The following SLC15A2 variants were observed in gnomAD, a reference collection of about 807,000 sequenced individuals.
SLC15A2 encodes solute carrier family 15 member 2, also known as kidney H(+)/peptide cotransporter.
A neutral mutation model predicts 95.5 loss-of-function variants in SLC15A2; 77 were observed. The observed-to-expected ratio is 0.81, with a 90% confidence interval of 0.67 to 0.97. SLC15A2 has a LOEUF of 0.97. SLC15A2 is among the 50% of genes least tolerant of loss of function. The pLI is 0.00. For synonymous variants in SLC15A2, 306 were observed against 306.9 expected (o/e 1.00, Z 0.03); for missense variants, 893 against 874.4 (o/e 1.02, Z -0.27).
At chr3:121,919,101 T>G (rs745940966) in intron 7 of SLC15A2, among the ~76,000 whole-genome samples, 29 of 152,164 alleles carry the variant, frequency 1.9e-4, no homozygotes, top group Non-Finnish European at 3.4e-4. Context: ...GTGTTATAGC[T>G]CCTGCTCAGG....
At position 121,928,426 on chromosome 3, in the gene SLC15A2, G is replaced by A. The variant is rs1410643268; in HGVS notation, c.1212G>A (p.Met404Ile). The change falls in exon 15 of 22, where the codon ATG becomes ATA. Residue 404 changes from methionine to isoleucine, a missense_variant. Physicochemically the swap from Met to Ile is conservative, Grantham distance 10 (BLOSUM62 1). Coordinates refer to ENST00000489711, the MANE Select transcript of SLC15A2 (RefSeq NM_021082.4). ...AAAVEIKINE[M>I]APAQPGPQEV... ...CATGTGTTCTTTGCTCTAAGGAAAT[G>A]GCCCCAGCCCAGCCAGGTCCCCAGG... 4.3e-6 allele frequency: 7 copies of A among 1,613,424 alleles called. No homozygotes were observed. The highest frequency in any genetic ancestry group is 5.9e-6 in the Non-Finnish European group (7 of 1,179,666).
At position 121,894,490 on chromosome 3, in the gene SLC15A2, A is replaced by G; in HGVS notation, c.14A>G (p.Gln5Arg). ...AAGGAGCCAGCCATGAATCCTTTCC[A>G]GAAAAATGAGTCCAAGGAAACTCTT... MNPF[Q>R]KNESKETLFS... Residue 5 changes from glutamine (Q) to arginine (R), a missense_variant, in exon 1 of 22, where the codon CAG (glutamine) becomes CGG (arginine). By Grantham distance (43) the Gln-to-Arg change is conservative. Coordinates refer to ENST00000489711, the MANE Select transcript of SLC15A2 (RefSeq NM_021082.4). 2 of 1,613,248 alleles carry G rather than the reference A, an allele frequency of 1.2e-6. No individual in the cohort carries two copies. The highest frequency in any genetic ancestry group is 1.7e-6 in the Non-Finnish European group (2 of 1,179,526).
intron 13 of SLC15A2, among the ~76,000 whole-genome samples, chr3:121,925,781 TA>T (rs200367167): frequency 9.4e-4 from 37 of 39,358 alleles, no homozygotes; most frequent in East Asian, 1.3e-3. Context: ...TATATATATA[TA>T]AAATACAACT....
At chr3:121,904,890 T>TGA (rs1274010798) in intron 3 of SLC15A2, among the ~76,000 whole-genome samples, 1 of 152,218 alleles carries the variant, frequency 6.6e-6, no homozygotes, top group Non-Finnish European at 1.5e-5. Flanking sequence ...GATTCTCTCT[T>TGA]TTTCTATTGA....
At chr3:121,897,865 C>A (rs1214536662) in intron 3 of SLC15A2, among the ~76,000 whole-genome samples, 1 of 152,144 alleles carries the variant, frequency 6.6e-6, no homozygotes, top group East Asian at 1.9e-4. Context: ...TATCCACCAG[C>A]AAATTTCTAA....
chr3:121,938,273 T>G (rs920663280), intron 19 of SLC15A2, among the ~76,000 whole-genome samples: 5 of 152,250 alleles, frequency 3.3e-5, no homozygotes, highest in Non-Finnish European at 5.9e-5. Flanking sequence ...CAGGCCGCCT[T>G]GAGCTGTGGT....
At chr3:121,934,133 G>C (rs1165174696) in intron 19 of SLC15A2, among the ~76,000 whole-genome samples, 1 of 152,080 alleles carries the variant, frequency 6.6e-6, no homozygotes, top group East Asian at 1.9e-4. Context: ...TCTCTGTTTT[G>C]GTACCAGTAA....
At chr3:121,920,991 A>G (rs1709994499) in intron 7 of SLC15A2, among the ~76,000 whole-genome samples, 1 of 152,220 alleles carries the variant, frequency 6.6e-6, no homozygotes, top group African/African-American at 2.4e-5. Context: ...ATTGAATGAA[A>G]TTGAAAAAAC....
rs570012617 is a variant in SLC15A2, at chr3:121,939,277, G to A, written c.1762-72G>A. The A allele has an allele frequency of 3.6e-5, 43 of 1,193,802 alleles. No homozygotes were observed. The South Asian group carries it at 6.3e-4, about 18-fold the overall frequency. The allele number at this position is 1,193,802 out of a possible 1,614,324, so 74.0% of individuals were successfully genotyped here. On this transcript the variant is annotated intron_variant, in intron 19 of 21. Transcript: ENST00000489711. ...ATACAAAAAGGATGGATATAAGATC[G>A]TAGAATGCTGTAGTTAGAAATATTT... is the stretch of plus-strand genomic sequence containing the variant.
At position 121,931,359 on chromosome 3, in the gene SLC15A2, A is replaced by G. The variant is rs79865425; in HGVS notation, c.1665-280A>G. Among the ~76,000 whole-genome samples, 18 of 152,344 alleles carry G rather than the reference A, an allele frequency of 1.2e-4. No homozygotes were observed. The East Asian group carries it at 3.5e-3, about 29-fold the overall frequency. On this transcript the variant is annotated intron_variant, in intron 18 of 21. Transcript: ENST00000489711. ...AAGTCATAAGATTTGCATGAGGAAAATTCACATGGTACTTAAGTTAACAAA... is the reference window on the plus strand; with the variant it reads ...AAGTCATAAGATTTGCATGAGGAAAGTTCACATGGTACTTAAGTTAACAAA...
At chr3:121,922,132 C>A in intron 7 of SLC15A2, 88 bp from the exon 8 acceptor site, 1 of 1,017,268 alleles carries the variant, frequency 9.8e-7, no homozygotes, top group Non-Finnish European at 1.5e-6. Context: ...GTGGTTTTTG[C>A]CATTGAAAGT....
Position 121,927,833 on chromosome 3 carries a change from A to C in SLC15A2, c.1200A>C (p.Lys400Asn). Residue 400 changes from lysine (K) to asparagine (N), a missense_variant, in exon 14 of 22, where the codon AAA (lysine) becomes AAC (asparagine). Lys to Asn is a moderately conservative substitution (Grantham distance 94, BLOSUM62 0). Coordinates refer to ENST00000489711, the MANE Select transcript of SLC15A2 (RefSeq NM_021082.4). ...CAGTTGCGGCAGCTGTAGAGATAAA[A>C]ATAAATGTGAGTTCAGTAATTCTTA... ...AFAVAAAVEIKINEMAPAQPG... is the reference protein window; with the variant it reads ...AFAVAAAVEININEMAPAQPG... The C allele has an allele frequency of 6.2e-7, 1 of 1,611,510 alleles. No individual in the cohort carries two copies. The highest frequency in any genetic ancestry group is 2.2e-5 in the East Asian group (1 of 44,868).
At chr3:121,910,574 G>A (rs960479529) in intron 3 of SLC15A2, among the ~76,000 whole-genome samples, 8 of 152,126 alleles carry the variant, frequency 5.3e-5, no homozygotes, top group Admixed American at 2.6e-4. Flanking sequence ...TAGGCACTTA[G>A]AATGAGAAAT....
chr3:121,934,976 G>A lies in SLC15A2; in HGVS notation c.1761+3241G>A, dbSNP rs1279794269. 3.7e-4 allele frequency among the ~76,000 whole-genome samples: 56 copies of A among 152,006 alleles called. No homozygotes were observed. In the South Asian group the frequency reaches 4.4e-3, roughly 12 times the overall value. ...TTATTGAGAGTTTTTAGCATGAAGCGTTGTTGAATTTTGTCAAAGGCCTTT... is the reference window on the plus strand; with the variant it reads ...TTATTGAGAGTTTTTAGCATGAAGCATTGTTGAATTTTGTCAAAGGCCTTT... On this transcript the variant is annotated intron_variant, in intron 19 of 21. Coordinates refer to ENST00000489711, the MANE Select transcript of SLC15A2 (RefSeq NM_021082.4).
intron 14 of SLC15A2, among the ~76,000 whole-genome samples, 156 bp downstream of exon 14, chr3:121,927,995 G>T (rs1710155629): frequency 6.6e-6 from 1 of 152,094 alleles, no homozygotes; most frequent in African/African-American, 2.4e-5. Flanking sequence ...TAGATACAGG[G>T]GTAAAACAGC....
intron 3 of SLC15A2, among the ~76,000 whole-genome samples, chr3:121,910,191 ACTTTTTT>A (rs1200529044): frequency 9.2e-6 from 1 of 108,988 alleles, no homozygotes; most frequent in African/African-American, 3.5e-5. Flanking sequence ...TAGTCACCTA[ACTTTTTT>A]TTTTTTTTTT....
intron 3 of SLC15A2, among the ~76,000 whole-genome samples, chr3:121,903,721 G>C (rs1424544379): frequency 2.0e-5 from 3 of 152,086 alleles, no homozygotes; most frequent in Admixed American, 2.0e-4. Flanking sequence ...TATGTGTTTT[G>C]GTACCAGTAC....
At position 121,939,370 on chromosome 3, in the gene SLC15A2, G is replaced by A; in HGVS notation, c.1783G>A (p.Ala595Thr). 4 of 1,559,542 alleles carry A rather than the reference G, an allele frequency of 2.6e-6. No individual in the cohort carries two copies. The highest frequency in any genetic ancestry group is 2.4e-5 in the East Asian group (1 of 41,222). Reference protein sequence around the residue: ...ITNNTNQGLQAWKIEDIPANK... With the variant: ...ITNNTNQGLQTWKIEDIPANK... ...TAAGAACACCAATCAGGGTCTTCAG[G>A]CCTGGAAGATTGAAGACATTCCAGC... Residue 595 changes from alanine (A) to threonine (T), a missense_variant, in exon 20 of 22, where the codon GCC becomes ACC. Physicochemically the swap from Ala to Thr is moderately conservative, Grantham distance 58 (BLOSUM62 0). Transcript: ENST00000489711.
At chr3:121,925,167 C>T in intron 13 of SLC15A2, 134 bp downstream of exon 13, 1 of 686,094 alleles carries the variant, frequency 1.5e-6, no homozygotes, top group Non-Finnish European at 2.6e-6. Flanking sequence ...TCTATTTTTC[C>T]ATGTTAGACT....
Sources: gnomAD v4.1 joint callset for allele counts (sites outside exome capture counted in the v4.1 genomes callset) on GRCh38, gnomAD v4.1.1 for gene constraint, MANE v1.5 for transcripts, NCBI Gene and HGNC (gene_info 2026-07-23, HGNC 2026-07-21) for gene names.